Variants in SLC12A2 observed in about 807,000 individuals in gnomAD.
The protein encoded by SLC12A2 is solute carrier family 12 member 2.
A neutral mutation model predicts 136.3 loss-of-function variants in SLC12A2; 67 were observed. That is an observed-to-expected ratio of 0.49 (90% CI 0.40 to 0.60). The LOEUF (loss-of-function observed/expected upper bound fraction) is 0.60, where lower values mean the gene tolerates loss of function less well. SLC12A2 is among the 20% of genes least tolerant of loss of function. The pLI is 0.00. For missense variants in SLC12A2, 1,322 were observed against 1,534.7 expected (o/e 0.86, Z 2.32); for synonymous variants, 619 against 562.9 (o/e 1.10, Z -1.41).
chr5:128,093,503 T>G (rs1760414366), intron 1 of SLC12A2, among the ~76,000 whole-genome samples: 1 of 151,988 alleles, frequency 6.6e-6, no homozygotes, highest in Non-Finnish European at 1.5e-5. Context: ...TTCTTCCCAT[T>G]CCCTCCAGAA....
intron 18 of SLC12A2, chr5:128,170,778 G>A (rs933848702): frequency 1.3e-5 from 2 of 152,088 alleles, no homozygotes; most frequent in Admixed American, 1.3e-4. Flanking sequence ...AGATTTTAAT[G>A]TATTTTCTGT....
At chr5:128,152,902 A>G (rs906577136) in intron 15 of SLC12A2, 97 bp downstream of exon 15, 5 of 790,734 alleles carry the variant, frequency 6.3e-6, no homozygotes, top group Non-Finnish European at 1.1e-5. Flanking sequence ...TCACATTTTT[A>G]ATCGGTCTTG....
intron 4 of SLC12A2, among the ~76,000 whole-genome samples, chr5:128,120,839 C>A (rs1761544435): frequency 1.3e-5 from 2 of 151,386 alleles, no homozygotes; most frequent in African/African-American, 4.9e-5. Flanking sequence ...TGCACATGTA[C>A]CCTAAAACTT....
chr5:128,090,796 T>C (rs1299439163), intron 1 of SLC12A2, among the ~76,000 whole-genome samples: 2 of 152,088 alleles, frequency 1.3e-5, no homozygotes, highest in African/African-American at 4.8e-5. Flanking sequence ...GATGGGAGTG[T>C]GCTTGGTGTG....
At chr5:128,142,963 C>T (rs1279453028) in intron 10 of SLC12A2, among the ~76,000 whole-genome samples, 2 of 151,914 alleles carry the variant, frequency 1.3e-5, no homozygotes, top group Admixed American at 6.6e-5. Context: ...TTTTGGTGCC[C>T]CTATCACCCA....
At chr5:128,174,443 C>A in intron 19 of SLC12A2, 98 bp from the exon 20 acceptor site, 1 of 884,974 alleles carries the variant, frequency 1.1e-6, no homozygotes, top group Non-Finnish European at 1.7e-6. Flanking sequence ...TTATAATAAA[C>A]TTATTTTTTC....
chr5:128,169,782 A>G (rs1763313008), intron 18 of SLC12A2: 1 of 152,184 alleles, frequency 6.6e-6, no homozygotes, highest in Non-Finnish European at 1.5e-5. Context: ...ATTTTTTACA[A>G]ATTCTTTCAT....
intron 6 of SLC12A2, among the ~76,000 whole-genome samples, chr5:128,135,234 C>T (rs2126703496): frequency 6.6e-6 from 1 of 152,072 alleles, no homozygotes; most frequent in East Asian, 1.9e-4. Context: ...CATCTTCTTT[C>T]TGTACTTTTT....
At chr5:128,184,009 C>T (rs186826556) in intron 24 of SLC12A2, among the ~76,000 whole-genome samples, 8 of 151,830 alleles carry the variant, frequency 5.3e-5, no homozygotes, top group East Asian at 1.9e-4. Flanking sequence ...TTCATTATAC[C>T]TGCTGGTTTA....
intron 21 of SLC12A2, 151 bp from the exon 22 acceptor site, chr5:128,178,416 T>TG (rs1763599583): frequency 2.2e-6 from 1 of 449,598 alleles, no homozygotes; most frequent in East Asian, 3.6e-5. Flanking sequence ...TATAAACAAC[T>TG]GAAAGTTTAT....
intron 18 of SLC12A2, 187 bp downstream of exon 18, chr5:128,168,054 A>T (rs370194418): frequency 2.1e-6 from 1 of 479,454 alleles, no homozygotes; most frequent in Non-Finnish European, 3.6e-6. Flanking sequence ...TGATCTTTAT[A>T]TGTCTCTTTA....
Position 128,174,571 on chromosome 5 carries a change from C to T in SLC12A2, c.2834C>T (p.Pro945Leu), listed in dbSNP as rs773234073. The change falls in exon 20 of 27, where the codon CCT becomes CTT. Residue 945 changes from proline (P) to leucine (L), a missense_variant. Transcript: ENST00000262461. ...EELLSSQEKS[P>L]GTKDVVVSVE... is the part of the protein sequence containing the mutation. ...TTATTGTCATCACAAGAGAAATCTC[C>T]TGGCACCAAGGATGTGGTAGTAAGT... 6.2e-6 allele frequency: 10 copies of T among 1,608,132 alleles called. No homozygotes were observed. The highest frequency in any genetic ancestry group is 7.6e-6 in the Non-Finnish European group (9 of 1,176,472).
At chr5:128,112,672 A>G in intron 1 of SLC12A2, 142 bp from the exon 2 acceptor site, 1 of 536,854 alleles carries the variant, frequency 1.9e-6, no homozygotes, top group Admixed American at 3.8e-5. Context: ...TCCTGGGGTA[A>G]AATATTTGGA....
At chr5:128,099,514 ATAAAT>A (rs1760669353) in intron 1 of SLC12A2, among the ~76,000 whole-genome samples, 2 of 152,286 alleles carry the variant, frequency 1.3e-5, no homozygotes, top group Admixed American at 6.5e-5. Context: ...TTTTTCAATA[ATAAAT>A]TAACCTCAGC....
At position 128,167,792 on chromosome 5, in the gene SLC12A2, C is replaced by T. The variant is rs1433664447; in HGVS notation, c.2648C>T (p.Thr883Ile). 6.2e-7 allele frequency: 1 copy of T among 1,610,040 alleles called. No homozygotes were observed. Among genetic ancestry groups the T allele is most frequent in the Non-Finnish European group, 8.5e-7 (1 of 1,178,404 alleles). The change falls in exon 18 of 27, where the codon ACA becomes ATA. Residue 883 changes from threonine to isoleucine, a missense_variant. This residue lies in a region of SLC12A2 where 226 missense variants were observed against 210.4 expected (regional missense o/e 1.07). Coordinates refer to ENST00000262461, the MANE Select transcript of SLC12A2 (RefSeq NM_001046.3). ...AAGLGRMKPN[T>I]LVLGFKKDWL... The stretch of plus-strand genomic sequence containing the variant: ...GGTCTTGGTCGTATGAAGCCAAACA[C>T]ACTTGTCCTTGGATTTAAGAAAGAT...
At chr5:128,183,072 C>T (rs957004639) in intron 24 of SLC12A2, 131 bp downstream of exon 24, 1 of 562,062 alleles carries the variant, frequency 1.8e-6, no homozygotes, top group African/African-American at 1.9e-5. Flanking sequence ...AAAAATCTAG[C>T]ATTGATAGTT....
At chr5:128,183,772 T>G (rs867842100) in intron 24 of SLC12A2, among the ~76,000 whole-genome samples, 1 of 152,170 alleles carries the variant, frequency 6.6e-6, no homozygotes, top group Middle Eastern at 3.4e-3. Context: ...AGCAGAGTAG[T>G]AACACAATTT....
Position 128,167,770 on chromosome 5 carries a change from C to G in SLC12A2, c.2626C>G (p.Leu876Val). The G allele has an allele frequency of 6.2e-7, 1 of 1,603,834 alleles. No homozygotes were observed. Among genetic ancestry groups the G allele is most frequent in the Non-Finnish European group, 8.5e-7 (1 of 1,175,922 alleles). ...GAQYLMQAAG[L>V]GRMKPNTLVL... ...TGACCCTATATTTTAGGCTGCTGGT[C>G]TTGGTCGTATGAAGCCAAACACACT... Residue 876 changes from leucine to valine, a missense_variant, in exon 18 of 27, where the codon CTT (leucine) becomes GTT (valine). By Grantham distance (32) the Leu-to-Val change is conservative (BLOSUM62 1). Around this residue, in one of 8 missense-constraint regions of SLC12A2, gnomAD observed 226 missense variants for 210.4 expected, o/e 1.07. Transcript: ENST00000262461.
At chr5:128,099,093 A>G (rs1338581005) in intron 1 of SLC12A2, among the ~76,000 whole-genome samples, 2 of 152,088 alleles carry the variant, frequency 1.3e-5, no homozygotes, top group South Asian at 2.1e-4. Context: ...TTTCTTTTCC[A>G]TGCACATACA....
Sources: gnomAD v4.1 joint callset for allele counts (sites outside exome capture counted in the v4.1 genomes callset) on GRCh38, gnomAD v4.1.1 for gene constraint, gnomAD v4.1.1 regional missense constraint, MANE v1.5 for transcripts, NCBI Gene and HGNC (gene_info 2026-07-23, HGNC 2026-07-21) for gene names.